Variants in SASH1 observed in about 807,000 individuals in gnomAD.
SASH1 encodes SAM and SH3 domain-containing protein 1.
A neutral mutation model predicts 125.2 loss-of-function variants in SASH1; 44 were observed. The ratio of observed to expected loss-of-function variants is 0.35; its 90% CI spans 0.28 to 0.45. SASH1 has a LOEUF of 0.45. SASH1 is among the 20% of genes least tolerant of loss of function. The pLI is 1.00. For synonymous variants in SASH1, 639 were observed against 649.1 expected, an observed-to-expected ratio of 0.98 and a Z score of 0.24; for missense variants, 1,426 against 1,614.5, an observed-to-expected ratio of 0.88 and a Z score of 2.00.
intron 1 of SASH1, among the ~76,000 whole-genome samples, chr6:148,314,267 C>T (rs1052513663): frequency 2.6e-5 from 4 of 152,316 alleles, no homozygotes; most frequent in African/African-American, 9.6e-5. Flanking sequence ...TCCAAGGCCA[C>T]AGCTACACAC....
chr6:148,431,920 G>C (rs1776076227), intron 2 of SASH1, among the ~76,000 whole-genome samples: 1 of 151,684 alleles, frequency 6.6e-6, no homozygotes, highest in African/African-American at 2.4e-5. Flanking sequence ...GGACCCATTT[G>C]TCATAAGCAG....
At chr6:148,257,477 C>T in the SASH1 span, among the ~76,000 whole-genome samples, 15 of 152,314 alleles carry the variant, frequency 9.8e-5, no homozygotes, top group South Asian at 2.1e-4. Context: ...TCCTGACTTC[C>T]GTCGCCAATT....
At chr6:148,251,411 G>A in the SASH1 span, among the ~76,000 whole-genome samples, 1 of 152,262 alleles carries the variant, frequency 6.6e-6, no homozygotes, top group East Asian at 1.9e-4. Flanking sequence ...CTATAAGAGT[G>A]CACAGTTTCT....
intron 4 of SASH1, among the ~76,000 whole-genome samples, chr6:148,461,728 G>A (rs868864863): frequency 6.6e-5 from 10 of 152,296 alleles, no homozygotes; most frequent in Middle Eastern, 6.8e-3. Context: ...GCAACTAGTG[G>A]ATAGTATGAA....
chr6:148,449,713 A>G (rs1273542144), intron 4 of SASH1, among the ~76,000 whole-genome samples: 3 of 152,138 alleles, frequency 2.0e-5, no homozygotes, highest in Admixed American at 6.5e-5. Flanking sequence ...CTAAAGAAAA[A>G]TGTTTATTTA....
chr6:148,301,933 A>G (rs1436984390), intron 1 of SASH1, among the ~76,000 whole-genome samples: 1 of 151,756 alleles, frequency 6.6e-6, no homozygotes, highest in African/African-American at 2.4e-5. Context: ...CATTCACTAA[A>G]TGATCATTAT....
At chr6:148,205,580 A>G in the SASH1 span, among the ~76,000 whole-genome samples, 49 of 152,228 alleles carry the variant, frequency 3.2e-4, no homozygotes, top group African/African-American at 1.2e-3. Flanking sequence ...AGGTCTTCCT[A>G]ATAGAGGATG....
At chr6:148,543,625 C>T (rs1033450520) in intron 17 of SASH1, 55 bp from the exon 18 acceptor site, 29 of 1,426,860 alleles carry the variant, frequency 2.0e-5, no homozygotes, top group African/African-American at 2.0e-4. Flanking sequence ...TTTATGCATC[C>T]GTTTGATTGA....
intron 1 of SASH1, among the ~76,000 whole-genome samples, chr6:148,276,069 T>C (rs995116433): frequency 1.3e-5 from 2 of 152,218 alleles, no homozygotes; most frequent in African/African-American, 2.4e-5. Flanking sequence ...GGGAAGAGAC[T>C]GGAGCTTAGA....
At chr6:148,387,566 C>CTCTTTCTTTCTTTCTT (rs1157034465) in intron 1 of SASH1, among the ~76,000 whole-genome samples, 4 of 70,096 alleles carry the variant, frequency 5.7e-5, no homozygotes, top group African/African-American at 5.7e-5. Flanking sequence ...TCTTTCTTTT[C>CTCTTTCTTTCTTTCTT]TCTTTCTTTC....
chr6:148,409,502 C>A (rs1307411431), intron 2 of SASH1, among the ~76,000 whole-genome samples: 1 of 152,198 alleles, frequency 6.6e-6, no homozygotes, highest in Non-Finnish European at 1.5e-5. Context: ...CACCTCAGGG[C>A]TATGTAAGAA....
At chr6:148,449,672 C>T (rs766346105) in intron 4 of SASH1, among the ~76,000 whole-genome samples, 6 of 152,134 alleles carry the variant, frequency 3.9e-5, no homozygotes, top group Non-Finnish European at 7.4e-5. Context: ...CAGGTGTGAG[C>T]CACTGCGCCC....
chr6:148,435,691 T>G (rs553064221), intron 2 of SASH1, among the ~76,000 whole-genome samples: 41 of 152,284 alleles, frequency 2.7e-4, no homozygotes, highest in African/African-American at 9.6e-4. Context: ...GTCTGGGATT[T>G]TCTTCAAAGT....
chr6:148,333,719 A>ACGC (rs1781063020), intron 1 of SASH1, among the ~76,000 whole-genome samples: 1 of 151,498 alleles, frequency 6.6e-6, no homozygotes, highest in Non-Finnish European at 1.5e-5. Flanking sequence ...GCGCCACCAC[A>ACGC]CCTGACTAAT....
intron 1 of SASH1, among the ~76,000 whole-genome samples, chr6:148,303,559 G>A (rs184401155): frequency 4.1e-4 from 62 of 152,150 alleles, no homozygotes; most frequent in African/African-American, 1.4e-3. Flanking sequence ...CACTTTTGGA[G>A]GCTGAGGCAG....
intron 5 of SASH1, among the ~76,000 whole-genome samples, chr6:148,470,900 A>T (rs1003316733): frequency 6.6e-6 from 1 of 151,816 alleles, no homozygotes; most frequent in African/African-American, 2.4e-5. Flanking sequence ...CAGGGGACCA[A>T]CTCCCCTGAC....
intron 2 of SASH1, among the ~76,000 whole-genome samples, chr6:148,394,859 G>A (rs1384825240): frequency 6.6e-6 from 1 of 152,074 alleles, no homozygotes; most frequent in African/African-American, 2.4e-5. Context: ...GGTCAGGCTG[G>A]TCTCAAACTC....
intron 1 of SASH1, among the ~76,000 whole-genome samples, chr6:148,275,238 T>C (rs186679373): frequency 1.3e-5 from 2 of 152,340 alleles, no homozygotes; most frequent in East Asian, 3.9e-4. Context: ...GGTAATAATG[T>C]TCTCAAGAGC....
chr6:148,508,852 C>A, intron 8 of SASH1: 1 of 1,287,912 alleles, frequency 7.8e-7, no homozygotes, highest in Non-Finnish European at 1.0e-6. Flanking sequence ...AGAATTACCC[C>A]TTAGGCTTGC....
Sources: gnomAD v4.1 joint callset for allele counts (sites outside exome capture counted in the v4.1 genomes callset) on GRCh38, gnomAD v4.1.1 for gene constraint, MANE v1.5 for transcripts, NCBI Gene and HGNC (gene_info 2026-07-23, HGNC 2026-07-21) for gene names.